LCAT: variants seen among roughly 807,000 people sequenced by gnomAD.
LCAT encodes the protein lecithin-cholesterol acyltransferase, also known as phosphatidylcholine-sterol acyltransferase.
Under a neutral mutation model 41.0 loss-of-function variants are expected in LCAT, and 15 were observed. The observed-to-expected ratio is 0.37, with a 90% CI of 0.24 to 0.56. LCAT has a LOEUF of 0.56. LCAT is among the 20% of genes least tolerant of loss of function. The pLI is 0.81. For missense variants in LCAT, 449 were observed against 595.1 expected (o/e 0.75, Z 2.55); for synonymous variants, 248 against 245.4 (o/e 1.01, Z -0.10).
Position 67,939,863 on chromosome 16 carries a change from G to A in LCAT, c.*41C>T, listed in dbSNP as rs1246239983. 1 of 1,593,296 alleles carries A rather than the reference G, an allele frequency of 6.3e-7. No individual in the cohort carries two copies. Among genetic ancestry groups the A allele is most frequent in the Admixed American group, 1.7e-5 (1 of 59,176 alleles). ...GGACTCTAGTGCCTCCCTTCAACCT[G>A]AAACATAGCCATCAGGGCTTACGGT... On this transcript the variant is annotated 3_prime_UTR_variant, in exon 6 of 6. Coordinates refer to ENST00000264005, the MANE Select transcript of LCAT (RefSeq NM_000229.2).
intron 5 of LCAT, 143 bp from the exon 6 acceptor site, chr16:67,940,621 C>T: frequency 2.2e-6 from 3 of 1,353,456 alleles, no homozygotes; most frequent in Non-Finnish European, 2.0e-6. Context: ...CTTGAGCAGG[C>T]CTGATATTCA....
rs777035916 is a variant in LCAT at position 67,940,153 on chromosome 16, C to T, written c.1074G>A (p.Thr358=). 10 of 1,613,432 alleles carry T rather than the reference C, an allele frequency of 6.2e-6. No homozygotes were observed. The highest frequency in any genetic ancestry group is 1.3e-5 in the African/African-American group (1 of 74,908). Residue 358 remains threonine (T), a synonymous_variant, in exon 6 of 6, where the codon ACG becomes ACA. Transcript: ENST00000264005. The part of the protein sequence containing the change: ...TYIYDHGFPY[T]DPVGVLYEDG... ...CCTCATAGAGCACACCCACAGGGTC[C>T]GTGTAGGGGAAGCCGTGGTCGTAGA...
At chr16:67,941,437 CAT>C (rs2058289833) in intron 5 of LCAT, 2 of 162,944 alleles carry the variant, frequency 1.2e-5, no homozygotes, top group Admixed American at 1.3e-4. Flanking sequence ...GCCTGGGCAA[CAT>C]AGCAAGACCT....
At position 67,942,993 on chromosome 16, in the gene LCAT, C is replaced by G. The variant is rs765009339; in HGVS notation, c.312-17G>C. The G allele has an allele frequency of 1.9e-6, 3 of 1,613,502 alleles. No individual in the cohort carries two copies. Among genetic ancestry groups the G allele is most frequent in the Non-Finnish European group, 2.5e-6 (3 of 1,179,884 alleles). The stretch of plus-strand genomic sequence containing the variant: ...TAGACAACCCTGCGGGGCGGGGGTG[C>G]CACTCAGCAGCCAGTAGCCAAGGGG... On this transcript the variant is annotated splice_polypyrimidine_tract_variant and intron_variant, in intron 2 of 5. Coordinates refer to ENST00000264005, the MANE Select transcript of LCAT (RefSeq NM_000229.2). This position sits in a 1 kb window ranked among gnomAD's most constrained non-coding sequence, Gnocchi z 6.6.
Position 67,939,954 on chromosome 16 carries a change from C to A in LCAT, c.1273G>T (p.Gly425Cys). The A allele has an allele frequency of 6.2e-7, 1 of 1,613,542 alleles. No homozygotes were observed. Among genetic ancestry groups the A allele is most frequent in the Non-Finnish European group, 8.5e-7 (1 of 1,179,986 alleles). ...CTGGCAGTCGGGGATGCAGGGGGAC[C>A]CTGGCGGTAGGCACCCAGCAGGATG... ...NAILLGAYRQGPPASPTASPE... is the reference protein window; with the variant it reads ...NAILLGAYRQCPPASPTASPE... Residue 425 changes from glycine to cysteine, a missense_variant, in exon 6 of 6, where the codon GGT becomes TGT. By Grantham distance (159) the Gly-to-Cys change is radical. Transcript: ENST00000264005.
At position 67,940,456 on chromosome 16, in the gene LCAT, G is replaced by C; in HGVS notation, c.771C>G (p.Ile257Met). The change falls in exon 6 of 6, where the codon ATC becomes ATG. Residue 257 changes from isoleucine to methionine, a missense_variant. By Grantham distance (10) the Ile-to-Met change is conservative. Coordinates refer to ENST00000264005, the MANE Select transcript of LCAT (RefSeq NM_000229.2). ...CCTCTTTCAGCTTGATGCTGGACAT[G>C]ATGGGGATGCCCTGGTTGTCACCTG... is the stretch of plus-strand genomic sequence containing the variant. ...LASGDNQGIP[I>M]MSSIKLKEEQ... 6.2e-7 allele frequency: 1 copy of C among 1,614,100 alleles called. No homozygotes were observed. The highest frequency in any genetic ancestry group is 8.5e-7 in the Non-Finnish European group (1 of 1,180,008).
intron 5 of LCAT, chr16:67,941,457 A>G (rs893846558): frequency 5.5e-6 from 1 of 183,290 alleles, no homozygotes; most frequent in African/African-American, 2.4e-5. Context: ...CCTCATCTCT[A>G]CTAAAAAACA....
At position 67,943,379 on chromosome 16, in the gene LCAT, C is replaced by T. The variant is rs548263392; in HGVS notation, c.155-167G>A. ...TGCTTACACCCCCTCTCCCTGCTGT[C>T]CCCCCAGTAGCCAAAGCCCAGGCTT... is the stretch of plus-strand genomic sequence containing the variant. On this transcript the variant is annotated intron_variant, in intron 1 of 5. Coordinates refer to ENST00000264005, the MANE Select transcript of LCAT (RefSeq NM_000229.2). This position sits in a 1 kb window ranked among gnomAD's most constrained non-coding sequence, Gnocchi z 4.6. 222 of 680,364 alleles carry T rather than the reference C, an allele frequency of 3.3e-4. 1 individual carries two copies. The highest frequency in any genetic ancestry group is 2.9e-3 in the South Asian group (174 of 59,844). 42.1% of individuals were successfully genotyped at this position (680,364 alleles called of 1,614,324 possible). A position where few individuals can be genotyped will look rare whatever the true frequency, so the allele number is the denominator to read the frequency against.
intron 5 of LCAT, 150 bp from the exon 6 acceptor site, chr16:67,940,628 T>G: frequency 7.7e-7 from 1 of 1,295,452 alleles, no homozygotes; most frequent in East Asian, 2.5e-5. Context: ...AGGCCTGATA[T>G]TCAATGATGC....
At position 67,940,454 on chromosome 16, in the gene LCAT, A is replaced by G; in HGVS notation, c.773T>C (p.Met258Thr). ...CTCCTCTTTCAGCTTGATGCTGGAC[A>G]TGATGGGGATGCCCTGGTTGTCACC... is the stretch of plus-strand genomic sequence containing the variant. ...ASGDNQGIPIMSSIKLKEEQR... is the reference protein window; with the variant it reads ...ASGDNQGIPITSSIKLKEEQR... The change falls in exon 6 of 6, where the codon ATG becomes ACG. Residue 258 changes from methionine (M) to threonine (T), a missense_variant. Coordinates refer to ENST00000264005, the MANE Select transcript of LCAT (RefSeq NM_000229.2). 4 of 1,613,766 alleles carry G rather than the reference A, an allele frequency of 2.5e-6. No individual in the cohort carries two copies. The highest frequency in any genetic ancestry group is 2.5e-6 in the Non-Finnish European group (3 of 1,179,868).
chr16:67,943,494 T>C lies in LCAT; in HGVS notation c.155-282A>G, dbSNP rs562803017. On this transcript the variant is annotated intron_variant, in intron 1 of 5. Transcript: ENST00000264005. The surrounding 1 kb of genome is among the most constrained non-coding windows in gnomAD (Gnocchi z 4.6). ...AAACACCCAGTCTGGCGCTCCTTTA[T>C]TGCCAAAGTCCAAGGTGGGAACAGA... is the stretch of plus-strand genomic sequence containing the variant. 8.7e-5 allele frequency: 45 copies of C among 515,112 alleles called. No homozygotes were observed. The highest frequency in any genetic ancestry group is 7.3e-4 in the Admixed American group (23 of 31,384). 31.9% of individuals were successfully genotyped at this position (515,112 alleles called of 1,614,324 possible).
At chr16:67,940,727 C>T (rs1478604104) in intron 5 of LCAT, 5 of 577,606 alleles carry the variant, frequency 8.7e-6, no homozygotes, top group Non-Finnish European at 1.2e-5. Context: ...GGACAGGCAC[C>T]ATGGCTCACC....
In LCAT at chr16:67,943,428, G is replaced by A. The variant is rs2058305005; in HGVS notation, c.155-216C>T. The A allele has an allele frequency of 1.7e-6, 1 of 602,888 alleles. No individual in the cohort carries two copies. The highest frequency in any genetic ancestry group is 1.8e-5 in the South Asian group (1 of 54,376). The allele number at this position is 602,888 out of a possible 1,614,324, so 37.3% of individuals were successfully genotyped here. ...TTCCCTGAGGAAGGGAAGGCGCTGA[G>A]GTGCTGAGGCCAAGGCCGCTGACCC... is the stretch of plus-strand genomic sequence containing the variant. On this transcript the variant is annotated intron_variant, in intron 1 of 5. Coordinates refer to ENST00000264005, the MANE Select transcript of LCAT (RefSeq NM_000229.2). The surrounding 1 kb of genome is among the most constrained non-coding windows in gnomAD (Gnocchi z 4.6).
rs1023296176 is a variant in LCAT at position 67,942,291 on chromosome 16, C to T, written c.748+72G>A. 6 of 1,511,088 alleles carry T rather than the reference C, an allele frequency of 4.0e-6. No homozygotes were observed. Among genetic ancestry groups the T allele is most frequent in the East Asian group, 2.3e-5 (1 of 43,978 alleles). 93.6% of individuals were successfully genotyped at this position (1,511,088 alleles called of 1,614,324 possible). A position where few individuals can be genotyped will look rare whatever the true frequency, so the allele number is the denominator to read the frequency against. ...CCTAGAGGCCACTGTGAGCAGGAGC[C>T]GCAATGAAGGCAGGCCCAGGATCAG... On this transcript the variant is annotated intron_variant, in intron 5 of 5. Coordinates refer to ENST00000264005, the MANE Select transcript of LCAT (RefSeq NM_000229.2). This position sits in a 1 kb window ranked among gnomAD's most constrained non-coding sequence, Gnocchi z 6.6.
chr16:67,941,551 ATT>A, intron 5 of LCAT: 11 of 809,414 alleles, frequency 1.4e-5, no homozygotes, highest in Non-Finnish European at 1.6e-5. Context: ...GGCCAGGGAG[ATT>A]GAGACTGCGG....
rs1171268012 is a variant in LCAT at position 67,941,010 on chromosome 16, A to T, written c.749-532T>A. Among the ~76,000 whole-genome samples, 8 of 152,076 alleles carry T rather than the reference A, an allele frequency of 5.3e-5. No homozygotes were observed. In the East Asian group the frequency reaches 1.5e-3, roughly 29 times the overall value. ...ACACAGTGAGATTCCAGCTTAAAAA[A>T]TAAATAAATAGGGCCGGGTACGGTG... is the stretch of plus-strand genomic sequence containing the variant. On this transcript the variant is annotated intron_variant, in intron 5 of 5. Coordinates refer to ENST00000264005, the MANE Select transcript of LCAT (RefSeq NM_000229.2).
rs1055603610 is a variant in LCAT at position 67,943,446 on chromosome 16, G to A, written c.155-234C>T. On this transcript the variant is annotated intron_variant, in intron 1 of 5. Coordinates refer to ENST00000264005, the MANE Select transcript of LCAT (RefSeq NM_000229.2). The surrounding 1 kb of genome is among the most constrained non-coding windows in gnomAD (Gnocchi z 4.6). Reference sequence around the variant, plus strand: ...GCGCTGAGGTGCTGAGGCCAAGGCCGCTGACCCCTGCCTCTGCAGAGCAAA... The same window carrying A: ...GCGCTGAGGTGCTGAGGCCAAGGCCACTGACCCCTGCCTCTGCAGAGCAAA... 13 of 575,372 alleles carry A rather than the reference G, an allele frequency of 2.3e-5. No individual in the cohort carries two copies. The highest frequency in any genetic ancestry group is 1.9e-4 in the African/African-American group (10 of 53,768). The allele number at this position is 575,372 out of a possible 1,614,324, so 35.6% of individuals were successfully genotyped here. A position where few individuals can be genotyped will look rare whatever the true frequency, so the allele number is the denominator to read the frequency against.
In LCAT at chr16:67,943,763, T is replaced by G; in HGVS notation, c.154+185A>C. 3 of 602,458 alleles carry G rather than the reference T, an allele frequency of 5.0e-6. No homozygotes were observed. The highest frequency in any genetic ancestry group is 8.6e-6 in the Non-Finnish European group (3 of 349,330). 37.3% of individuals were successfully genotyped at this position (602,458 alleles called of 1,614,324 possible). On this transcript the variant is annotated intron_variant, in intron 1 of 5. Coordinates refer to ENST00000264005, the MANE Select transcript of LCAT (RefSeq NM_000229.2). This position sits in a 1 kb window ranked among gnomAD's most constrained non-coding sequence, Gnocchi z 4.6. ...TGGGTTAGACAACTGAGAGTCACAG[T>G]GTGGTGGGAGAAGGGACGTCATTCC... is the stretch of plus-strand genomic sequence containing the variant.
In LCAT at chr16:67,943,238, A is replaced by T. The variant is rs755679499; in HGVS notation, c.155-26T>A. 12 of 1,610,960 alleles carry T rather than the reference A, an allele frequency of 7.4e-6. No homozygotes were observed. The highest frequency in any genetic ancestry group is 1.0e-5 in the Non-Finnish European group (12 of 1,179,702). On this transcript the variant is annotated intron_variant, in intron 1 of 5. Coordinates refer to ENST00000264005, the MANE Select transcript of LCAT (RefSeq NM_000229.2). The surrounding 1 kb of genome is among the most constrained non-coding windows in gnomAD (Gnocchi z 4.6). ...CTGTGAGCAGCAGCCCTCACTCTGG[A>T]CTCTGGATTCCCCCCGTGACCCTTA...
Sources: allele counts gnomAD v4.1 joint callset (sites outside exome capture counted in the v4.1 genomes callset), GRCh38; gene constraint gnomAD v4.1.1; non-coding constraint Gnocchi (gnomAD v3.1); transcripts MANE v1.5; gene names NCBI Gene and HGNC (gene_info 2026-07-23, HGNC 2026-07-21).